SGCD: variants seen among roughly 807,000 people sequenced by gnomAD.
SGCD encodes sarcoglycan delta.
In SGCD, 18 loss-of-function variants were observed where a neutral mutation model predicts 36.6. The ratio of observed to expected loss-of-function variants is 0.49; its 90% CI spans 0.34 to 0.73. The LOEUF is 0.73. Among genes scored for constraint, SGCD ranks in the 30% least tolerant of loss-of-function variants. The probability of loss-of-function intolerance (pLI) is 0.01; values close to 1 mark genes in which losing one functional copy is unlikely to be tolerated. For synonymous variants in SGCD, 133 were observed against 130.6 expected, an observed-to-expected ratio of 1.02 and a Z score of -0.12; for missense variants, 387 against 346.7, an observed-to-expected ratio of 1.12 and a Z score of -0.92.
chr5:156,754,758 G>T (rs1321269650), intron 7 of SGCD, among the ~76,000 whole-genome samples: 1 of 152,138 alleles, frequency 6.6e-6, no homozygotes, highest in Non-Finnish European at 1.5e-5. Context: ...TTTTGGTGAG[G>T]ATTAAATGAG....
At chr5:156,029,460 C>A (rs1381903170) in intron 1 of SGCD, among the ~76,000 whole-genome samples, 1 of 152,138 alleles carries the variant, frequency 6.6e-6, no homozygotes, top group Non-Finnish European at 1.5e-5. Flanking sequence ...CATGACAAGC[C>A]TTGGAGATAC....
chr5:156,736,084 T>C (rs1019395951), intron 7 of SGCD, among the ~76,000 whole-genome samples: 8 of 152,254 alleles, frequency 5.3e-5, no homozygotes, highest in Middle Eastern at 3.4e-3. Context: ...TGGGCCGTCG[T>C]CCTGCCTTGC....
intron 8 of SGCD, among the ~76,000 whole-genome samples, chr5:156,758,369 T>C (rs1362375271): frequency 1.4e-5 from 2 of 147,996 alleles, no homozygotes; most frequent in African/African-American, 5.1e-5. Context: ...TATTTAATCA[T>C]AGAGTTAAAA....
chr5:156,296,262 T>C (rs1766890779), intron 3 of SGCD, among the ~76,000 whole-genome samples: 4 of 152,166 alleles, frequency 2.6e-5, no homozygotes, highest in Admixed American at 2.0e-4. Flanking sequence ...ATAAGGCAGA[T>C]ATCTCTATCA....
At chr5:156,589,167 A>C in intron 4 of SGCD, 64 bp from the exon 5 acceptor site, 1 of 1,216,724 alleles carries the variant, frequency 8.2e-7, no homozygotes, top group Non-Finnish European at 1.2e-6. Context: ...GAGAGTTGTA[A>C]TGACAGTTCT....
chr5:156,350,247 T>TTATATA lies in SGCD; in HGVS notation c.192+5582_192+5587dup, dbSNP rs59107352. ...CTCTAAAGCTATTGAGGAAAAAAAA[T>TTATATA]TATATATATATATATATGTACACAC... On this transcript the variant is annotated intron_variant, in intron 3 of 8. Transcript: ENST00000337851. Among the ~76,000 whole-genome samples the TTATATA allele has an allele frequency of 3.5e-3, 332 of 95,858 alleles. 72 individuals are homozygous for TTATATA. The East Asian group carries it at 0.11, about 33-fold the overall frequency. 62.9% of individuals were successfully genotyped at this position (95,858 alleles called of 152,430 possible). A position where few individuals can be genotyped will look rare whatever the true frequency, so the allele number is the denominator to read the frequency against.
At chr5:156,517,780 C>G (rs987707789) in intron 4 of SGCD, among the ~76,000 whole-genome samples, 1 of 152,104 alleles carries the variant, frequency 6.6e-6, no homozygotes, top group African/African-American at 2.4e-5. Context: ...CATTTTCAGA[C>G]AAGCAGATGC....
At chr5:156,024,121 G>A (rs1759171490) in intron 1 of SGCD, among the ~76,000 whole-genome samples, 2 of 152,130 alleles carry the variant, frequency 1.3e-5, no homozygotes, top group Admixed American at 6.5e-5. Flanking sequence ...GTATCGGAAG[G>A]TATAGGAAGC....
At chr5:156,443,434 G>A (rs1753589283) in intron 3 of SGCD, among the ~76,000 whole-genome samples, 1 of 152,152 alleles carries the variant, frequency 6.6e-6, no homozygotes, top group Non-Finnish European at 1.5e-5. Flanking sequence ...TGATTCTGCA[G>A]CGTTTCCACC....
intron 3 of SGCD, among the ~76,000 whole-genome samples, chr5:156,247,396 A>T (rs1266231058): frequency 6.6e-6 from 1 of 152,208 alleles, no homozygotes; most frequent in Non-Finnish European, 1.5e-5. Flanking sequence ...GTCCATGTTC[A>T]TTCAATGATT....
intron 6 of SGCD, among the ~76,000 whole-genome samples, chr5:156,610,478 C>T (rs1302284998): frequency 2.0e-5 from 3 of 152,188 alleles, no homozygotes; most frequent in Admixed American, 6.5e-5. Flanking sequence ...CAGTTAGGCT[C>T]CTCGGGGGTC....
At chr5:156,755,827 G>A (rs1757313652) in intron 7 of SGCD, among the ~76,000 whole-genome samples, 1 of 152,166 alleles carries the variant, frequency 6.6e-6, no homozygotes, top group South Asian at 2.1e-4. Flanking sequence ...GATGATTTTA[G>A]TTGAGTCATT....
intron 3 of SGCD, among the ~76,000 whole-genome samples, chr5:156,159,329 T>C (rs1468797478): frequency 6.6e-6 from 1 of 151,642 alleles, no homozygotes; most frequent in Non-Finnish European, 1.5e-5. Context: ...TACTGAGTAA[T>C]TGGAATAATT....
chr5:156,034,621 A>G (rs193198199), intron 1 of SGCD, among the ~76,000 whole-genome samples: 140 of 152,336 alleles, frequency 9.2e-4, no homozygotes, highest in African/African-American at 3.2e-3. Context: ...TCCTTCCCCC[A>G]GTACTGAGAA....
intron 3 of SGCD, among the ~76,000 whole-genome samples, chr5:156,187,435 T>C (rs1264011810): frequency 6.6e-6 from 1 of 152,100 alleles, no homozygotes; most frequent in African/African-American, 2.4e-5. Context: ...TTCTTTTGGC[T>C]AGAATGTTAA....
At chr5:156,353,651 G>A (rs1234392702) in intron 3 of SGCD, among the ~76,000 whole-genome samples, 2 of 152,198 alleles carry the variant, frequency 1.3e-5, no homozygotes, top group African/African-American at 4.8e-5. Context: ...ACTTGGAAGT[G>A]CTTCCTCTAC....
chr5:156,058,387 A>G (rs1274706212), intron 1 of SGCD, among the ~76,000 whole-genome samples: 1 of 146,316 alleles, frequency 6.8e-6, no homozygotes. Flanking sequence ...AAACTAAACC[A>G]ATGATCCTTA....
chr5:155,756,299 C>T, the SGCD span, among the ~76,000 whole-genome samples: 1 of 152,180 alleles, frequency 6.6e-6, no homozygotes, highest in Non-Finnish European at 1.5e-5. Context: ...TCCATAGGGT[C>T]CAACTTTCAC....
intron 6 of SGCD, among the ~76,000 whole-genome samples, chr5:156,606,673 C>T (rs1761472100): frequency 6.6e-6 from 1 of 152,162 alleles, no homozygotes; most frequent in South Asian, 2.1e-4. Context: ...TTCTTCCTAC[C>T]CATGAACATG....
Sources: allele counts gnomAD v4.1 joint callset (sites outside exome capture counted in the v4.1 genomes callset), GRCh38; gene constraint gnomAD v4.1.1; transcripts MANE v1.5; gene names NCBI Gene and HGNC (gene_info 2026-07-23, HGNC 2026-07-21).